TLE3: variants seen among roughly 807,000 people sequenced by gnomAD.
TLE3 encodes TLE family member 3, transcriptional corepressor.
A neutral mutation model predicts 93.0 loss-of-function variants in TLE3; 14 were observed. The ratio of observed to expected loss-of-function variants is 0.15; its 90% CI spans 0.10 to 0.24. TLE3 has a LOEUF of 0.24. Among genes scored for constraint, TLE3 ranks in the 10% least tolerant of loss-of-function variants. TLE3 has a pLI of 1.00. For synonymous variants in TLE3, 451 were observed against 425.0 expected, an observed-to-expected ratio of 1.06 and a Z score of -0.75; for missense variants, 693 against 1,046.6, an observed-to-expected ratio of 0.66 and a Z score of 4.66.
intron 18 of TLE3, among the ~76,000 whole-genome samples, chr15:70,052,104 C>G (rs1030577452): frequency 2.0e-5 from 3 of 152,208 alleles, no homozygotes; most frequent in African/African-American, 7.2e-5. Context: ...CTGCTACTGT[C>G]CTGTTCCTTT....
chr15:70,066,959 C>A, intron 6 of TLE3: 1 of 349,744 alleles, frequency 2.9e-6, no homozygotes, highest in Non-Finnish European at 5.9e-6. Context: ...GGGAAAGCAG[C>A]AGACCCCAGA....
chr15:70,066,905 G>C (rs760794215), intron 6 of TLE3: 2 of 388,102 alleles, frequency 5.2e-6, no homozygotes, highest in Non-Finnish European at 1.1e-5. Flanking sequence ...CCTGGGGCAG[G>C]TTACTTCAAG....
intron 4 of TLE3, among the ~76,000 whole-genome samples, chr15:70,088,869 C>T (rs1443898205): frequency 2.0e-5 from 3 of 152,048 alleles, no homozygotes; most frequent in African/African-American, 7.2e-5. Context: ...CGGCCCAGAG[C>T]GGGCCCCCGC....
rs760522159 is a variant in TLE3 at position 70,056,290 on chromosome 15, A to T, written c.1328+8T>A. The T allele has an allele frequency of 2.5e-6, 4 of 1,613,420 alleles. No individual in the cohort carries two copies. Among genetic ancestry groups the T allele is most frequent in the Non-Finnish European group, 3.4e-6 (4 of 1,179,810 alleles). On this transcript the variant is annotated splice_region_variant and intron_variant, in intron 14 of 19. Coordinates refer to ENST00000451782, the MANE Select transcript of TLE3 (RefSeq NM_001105192.3). ...ACAAAGCATGCAGTAAGTATAGCCAAAGCTTACGGTTTTCCTCCAGGAATG... is the reference window on the plus strand; with the variant it reads ...ACAAAGCATGCAGTAAGTATAGCCATAGCTTACGGTTTTCCTCCAGGAATG...
intron 6 of TLE3, 128 bp downstream of exon 6, chr15:70,074,405 G>C: frequency 8.3e-7 from 1 of 1,200,248 alleles, no homozygotes; most frequent in Non-Finnish European, 1.2e-6. Flanking sequence ...GGTGCTTGTA[G>C]AAGCCGGAGC....
rs7162247 is a variant in TLE3, at chr15:70,055,388, G to T, written c.1329-90C>A. 1.0e-3 allele frequency: 1,559 copies of T among 1,495,192 alleles called. 11 individuals carry two copies. In the African/African-American group the frequency reaches 0.014, roughly 13 times the overall value. The allele number at this position is 1,495,192 out of a possible 1,614,324, so 92.6% of individuals were successfully genotyped here. ...GGCCCAGGTCATCTGCACTGCCCCC[G>T]ACTGGCTGCCCTGCCTCTAGCCCCC... On this transcript the variant is annotated intron_variant, in intron 14 of 19. Coordinates refer to ENST00000451782, the MANE Select transcript of TLE3 (RefSeq NM_001105192.3).
chr15:70,068,130 A>G (rs1266666220), intron 6 of TLE3, among the ~76,000 whole-genome samples: 1 of 152,266 alleles, frequency 6.6e-6, no homozygotes, highest in East Asian at 1.9e-4. Flanking sequence ...TTACAAAACT[A>G]ATACATGCCC....
In TLE3 at chr15:70,096,828, T is replaced by TGGAAGCGCCGAGAGCCC. The variant is rs766827134; in HGVS notation, c.-47_-31dup. ...GGGAGGGGTCGTGATTCCGAGAGCG[T>TGGAAGCGCCGAGAGCCC]GGAAGCGCCGAGAGCCCGGGCCGGG... On this transcript the variant is annotated 5_prime_UTR_variant, in exon 1 of 20. Coordinates refer to ENST00000451782, the MANE Select transcript of TLE3 (RefSeq NM_001105192.3). 2.5e-6 allele frequency: 4 copies of TGGAAGCGCCGAGAGCCC among 1,600,040 alleles called. No individual in the cohort carries two copies. Among genetic ancestry groups the TGGAAGCGCCGAGAGCCC allele is most frequent in the Non-Finnish European group, 3.4e-6 (4 of 1,174,304 alleles).
chr15:70,094,747 A>G lies in TLE3; in HGVS notation c.190-171T>C, dbSNP rs961242091. On this transcript the variant is annotated intron_variant, in intron 3 of 19. Transcript: ENST00000451782. Reference sequence around the variant, plus strand: ...TTACAGAGCGGTTTAAGAGCTGACAAGGGCGAGCGTTCCTCTCATCTCAAC... The same window carrying G: ...TTACAGAGCGGTTTAAGAGCTGACAGGGGCGAGCGTTCCTCTCATCTCAAC... The G allele has an allele frequency of 7.4e-5, 44 of 595,644 alleles. No homozygotes were observed. The African/African-American group carries it at 7.7e-4, about 10-fold the overall frequency. The allele number at this position is 595,644 out of a possible 1,614,324, so 36.9% of individuals were successfully genotyped here. A position where few individuals can be genotyped will look rare whatever the true frequency, so the allele number is the denominator to read the frequency against.
chr15:70,086,866 C>A (rs1254158950), intron 4 of TLE3, among the ~76,000 whole-genome samples: 1 of 150,334 alleles, frequency 6.7e-6, no homozygotes, highest in Non-Finnish European at 1.5e-5. Context: ...CGCACCCCCA[C>A]CCTGCCTTCT....
intron 4 of TLE3, among the ~76,000 whole-genome samples, chr15:70,077,635 C>T (rs1014667998): frequency 1.3e-5 from 2 of 152,222 alleles, no homozygotes; most frequent in African/African-American, 4.8e-5. Flanking sequence ...TTTTGCAGGC[C>T]TGTGTCCTGG....
intron 4 of TLE3, among the ~76,000 whole-genome samples, chr15:70,085,256 A>T (rs895802614): frequency 6.6e-6 from 1 of 152,208 alleles, no homozygotes; most frequent in African/African-American, 2.4e-5. Context: ...TGGGACTCAA[A>T]CCCACATTTG....
chr15:70,053,302 C>A lies in TLE3; in HGVS notation c.1899G>T (p.Gly633=). The A allele has an allele frequency of 1.2e-6, 2 of 1,608,678 alleles. No individual in the cohort carries two copies. The highest frequency in any genetic ancestry group is 1.7e-6 in the Non-Finnish European group (2 of 1,177,474). The part of the protein sequence containing the change: ...ISHDGTKLWT[G]GLDNTVRSWD... ...AGGAGCGCACCGTGTTGTCCAGGCC[C>A]CCTGTCCACAGTTTGGTGCCATCAT... Residue 633 remains glycine, a synonymous_variant, in exon 17 of 20, where the codon GGG becomes GGT. Coordinates refer to ENST00000451782, the MANE Select transcript of TLE3 (RefSeq NM_001105192.3).
chr15:70,094,478 C>CA (rs2058455213), intron 4 of TLE3, 54 bp downstream of exon 4: 10 of 1,334,096 alleles, frequency 7.5e-6, no homozygotes, highest in Non-Finnish European at 1.0e-5. Flanking sequence ...AAGAAGTCCA[C>CA]ATATATAAGT....
chr15:70,065,989 A>AGGCCCCCCC, intron 7 of TLE3, 25 bp downstream of exon 7: 3 of 712,576 alleles, frequency 4.2e-6, no homozygotes, highest in Non-Finnish European at 7.0e-6. Flanking sequence ...GCCCCGCCCC[A>AGGCCCCCCC]CCCTCTGCCC....
At chr15:70,080,176 G>A (rs774609847) in intron 4 of TLE3, among the ~76,000 whole-genome samples, 98 of 152,054 alleles carry the variant, frequency 6.4e-4, no homozygotes, top group Non-Finnish European at 1.0e-3. Context: ...GGCGCAATCC[G>A]TTATCGATAA....
intron 4 of TLE3, among the ~76,000 whole-genome samples, chr15:70,077,297 GCTTTT>G (rs2057494791): frequency 6.6e-6 from 1 of 152,184 alleles, no homozygotes; most frequent in South Asian, 2.1e-4. Context: ...TCTCAGAATT[GCTTTT>G]CTTATCTCAT....
chr15:70,084,668 A>G (rs1478739775), intron 4 of TLE3, among the ~76,000 whole-genome samples: 1 of 152,186 alleles, frequency 6.6e-6, no homozygotes, highest in Non-Finnish European at 1.5e-5. Flanking sequence ...CTGTGCAACA[A>G]TGAGCAAGTT....
At chr15:70,054,394 A>C (rs1457985824) in intron 16 of TLE3, 44 bp downstream of exon 16, 3 of 1,582,098 alleles carry the variant, frequency 1.9e-6, no homozygotes, top group Non-Finnish European at 2.6e-6. Context: ...ATGGGTAAAA[A>C]CTTCCCCAGG....
Sources: allele counts gnomAD v4.1 joint callset (sites outside exome capture counted in the v4.1 genomes callset), GRCh38; gene constraint gnomAD v4.1.1; transcripts MANE v1.5; gene names NCBI Gene and HGNC (gene_info 2026-07-23, HGNC 2026-07-21).